ECM2: variants seen among roughly 807,000 people sequenced by gnomAD.
The protein encoded by ECM2 is extracellular matrix protein 2, female organ and adipocyte specific.
A neutral mutation model predicts 67.5 loss-of-function variants in ECM2; 57 were observed. The ratio of observed to expected loss-of-function variants is 0.84; its 90% CI spans 0.68 to 1.05. The LOEUF is 1.05. Ranked by LOEUF, ECM2 falls within the 50% of genes least tolerant of loss-of-function variation. The pLI, the probability that ECM2 is intolerant of heterozygous loss-of-function variation, is 0.00. For synonymous variants in ECM2, 258 were observed against 294.5 expected, an observed-to-expected ratio of 0.88 and a Z score of 1.27; for missense variants, 741 against 822.8, an observed-to-expected ratio of 0.90 and a Z score of 1.22.
intron 8 of ECM2, among the ~76,000 whole-genome samples, chr9:92,501,318 T>C (rs1202911978): frequency 6.6e-6 from 1 of 152,154 alleles, no homozygotes. Flanking sequence ...GAAAAACTCA[T>C]ATCCCTAGAG....
intron 6 of ECM2, among the ~76,000 whole-genome samples, chr9:92,508,934 T>G (rs982316805): frequency 1.5e-4 from 23 of 151,936 alleles, no homozygotes; most frequent in African/African-American, 5.3e-4. Flanking sequence ...TATGCTAGAC[T>G]ATTAGGAAGA....
chr9:92,506,513 G>A (rs1302902643), intron 6 of ECM2, among the ~76,000 whole-genome samples: 1 of 152,206 alleles, frequency 6.6e-6, no homozygotes, highest in Non-Finnish European at 1.5e-5. Flanking sequence ...GGCTCAGGGT[G>A]TGGCCAAAAT....
the ECM2 span, among the ~76,000 whole-genome samples, chr9:92,557,867 T>A: frequency 2.0e-5 from 3 of 152,088 alleles, no homozygotes; most frequent in Non-Finnish European, 2.9e-5. Flanking sequence ...ATGGTCTCGA[T>A]CTCCTGACCT....
Position 92,496,043 on chromosome 9 carries a change from C to G in ECM2, c.*272G>C, listed in dbSNP as rs1053137170. ...TTATTTTGTTCCAGACTCTTCTGGT[C>G]TAGCTCAGTATGCATAATATCCTAT... is the stretch of plus-strand genomic sequence containing the variant. On this transcript the variant is annotated 3_prime_UTR_variant, in exon 10 of 10. Coordinates refer to ENST00000344604, the MANE Select transcript of ECM2 (RefSeq NM_001393.4). The G allele has an allele frequency of 3.8e-6, 4 of 1,042,000 alleles. No individual in the cohort carries two copies. Among genetic ancestry groups the G allele is most frequent in the African/African-American group, 1.7e-5 (1 of 59,100 alleles). The allele number at this position is 1,042,000 out of a possible 1,614,324, so 64.5% of individuals were successfully genotyped here.
the ECM2 span, among the ~76,000 whole-genome samples, chr9:92,558,213 C>T: frequency 7.2e-5 from 11 of 152,196 alleles, no homozygotes; most frequent in African/African-American, 2.4e-4. Flanking sequence ...TGCTGAAGAG[C>T]CTTGTTTTGT....
Position 92,495,690 on chromosome 9 carries a change from G to C in ECM2, c.*625C>G, listed in dbSNP as rs1846310588. On this transcript the variant is annotated 3_prime_UTR_variant, in exon 10 of 10. Transcript: ENST00000344604. ...CACCCTTCTGCCAGCTTTCCTTAATGTTAACAATGTACATAACCATAATAT... is the reference window on the plus strand; with the variant it reads ...CACCCTTCTGCCAGCTTTCCTTAATCTTAACAATGTACATAACCATAATAT... 5.6e-6 allele frequency: 5 copies of C among 889,280 alleles called. No homozygotes were observed. The highest frequency in any genetic ancestry group is 6.2e-5 in the Admixed American group (1 of 16,118). The allele number at this position is 889,280 out of a possible 1,614,324, so 55.1% of individuals were successfully genotyped here. A position where few individuals can be genotyped will look rare whatever the true frequency, so the allele number is the denominator to read the frequency against.
intron 2 of ECM2, among the ~76,000 whole-genome samples, chr9:92,521,426 G>T (rs72754434): frequency 0.04 from 6,056 of 152,010 alleles, 186 homozygotes; most frequent in South Asian, 0.098. Context: ...CAATCATGTT[G>T]TAAGTGTGGC....
chr9:92,504,874 G>C (rs140100583), intron 7 of ECM2, among the ~76,000 whole-genome samples: 3 of 152,304 alleles, frequency 2.0e-5, no homozygotes, highest in African/African-American at 7.2e-5. Flanking sequence ...GAGGGGTGTT[G>C]ACATTCATCA....
the ECM2 span, among the ~76,000 whole-genome samples, chr9:92,546,196 C>G: frequency 1.3e-5 from 2 of 152,294 alleles, no homozygotes; most frequent in Admixed American, 6.5e-5. Flanking sequence ...AGTACCCTGT[C>G]AAAACGGACC....
chr9:92,509,492 T>G (rs1588201424), intron 6 of ECM2, among the ~76,000 whole-genome samples: 1 of 152,120 alleles, frequency 6.6e-6, no homozygotes, highest in Non-Finnish European at 1.5e-5. Context: ...ACCATCAGAG[T>G]GATAAAGGAG....
intron 1 of ECM2, among the ~76,000 whole-genome samples, chr9:92,528,983 GAGA>G (rs1377016859): frequency 3.3e-5 from 5 of 152,172 alleles, no homozygotes; most frequent in East Asian, 1.9e-4. Flanking sequence ...TTCAAGAAGT[GAGA>G]AGAAGGATTA....
downstream of ECM2, chr9:92,494,015 T>C (rs563623557): frequency 6.6e-7 from 1 of 1,522,006 alleles, no homozygotes; most frequent in Admixed American, 1.7e-5. Context: ...CGTCGCATTG[T>C]CACCCATTTT....
In ECM2 at chr9:92,514,888, C is replaced by T. The variant is rs778924845; in HGVS notation, c.797G>A (p.Arg266His). The T allele has an allele frequency of 5.0e-6, 8 of 1,613,490 alleles. No individual in the cohort carries two copies. The highest frequency in any genetic ancestry group is 2.2e-5 in the South Asian group (2 of 90,972). The change falls in exon 4 of 10, where the codon CGC becomes CAC. Residue 266 changes from arginine to histidine, a missense_variant. Arg to His is a conservative substitution (Grantham distance 29). Coordinates refer to ENST00000344604, the MANE Select transcript of ECM2 (RefSeq NM_001393.4). ...ATCCTCCTCCTCCTCCCTTCCTTGGCGTTGTTGCTGGTGTGCCAGCCTCCT... is the reference window on the plus strand; with the variant it reads ...ATCCTCCTCCTCCTCCCTTCCTTGGTGTTGTTGCTGGTGTGCCAGCCTCCT... ...EERRLAHQQQ[R>H]QGREEEEDEE...
the ECM2 span, among the ~76,000 whole-genome samples, chr9:92,546,915 T>G: frequency 6.6e-6 from 1 of 152,200 alleles, no homozygotes; most frequent in East Asian, 1.9e-4. Context: ...GTCTCTATAT[T>G]CTTCACGAGT....
chr9:92,540,474 TTAAAA>T (rs1432626054), upstream of ECM2, among the ~76,000 whole-genome samples: 1 of 148,692 alleles, frequency 6.7e-6, no homozygotes, highest in Non-Finnish European at 1.5e-5. Flanking sequence ...TAAAAACATC[TTAAAA>T]TAATCAATGA....
At chr9:92,515,295 T>C in intron 3 of ECM2, 92 bp from the exon 4 acceptor site, 4 of 1,347,322 alleles carry the variant, frequency 3.0e-6, no homozygotes, top group Non-Finnish European at 3.8e-6. Flanking sequence ...GTAAATATTA[T>C]TCCCTCCAAG....
chr9:92,515,514 A>G (rs1260997673), intron 3 of ECM2, among the ~76,000 whole-genome samples: 1 of 152,168 alleles, frequency 6.6e-6, no homozygotes, highest in East Asian at 1.9e-4. Context: ...TTGCCACATG[A>G]GGCAAAATGG....
chr9:92,501,231 T>C (rs138050720), intron 8 of ECM2, among the ~76,000 whole-genome samples, 178 bp from the exon 9 acceptor site: 59 of 152,274 alleles, frequency 3.9e-4, no homozygotes, highest in African/African-American at 1.4e-3. Context: ...TGCACCAAGC[T>C]GCATGTCCTT....
rs1242390575 is a variant in ECM2 at position 92,522,561 on chromosome 9, T to C, written c.292+14A>G. On this transcript the variant is annotated intron_variant, in intron 2 of 9. Transcript: ENST00000344604. Reference sequence around the variant, plus strand: ...CCTCCCTCTTTCTGTCTCTCTCTCATAGTGTTCTCTTACCTGGTAACACAT... The same window carrying C: ...CCTCCCTCTTTCTGTCTCTCTCTCACAGTGTTCTCTTACCTGGTAACACAT... 6.9e-6 allele frequency: 11 copies of C among 1,591,590 alleles called. No individual in the cohort carries two copies. The Admixed American group carries it at 1.9e-4, about 27-fold the overall frequency.
Sources: allele counts gnomAD v4.1 joint callset (sites outside exome capture counted in the v4.1 genomes callset), GRCh38; gene constraint gnomAD v4.1.1; transcripts MANE v1.5; gene names NCBI Gene and HGNC (gene_info 2026-07-23, HGNC 2026-07-21).